The following NXPH2 variants were observed in gnomAD, a reference collection of about 807,000 sequenced individuals.
NXPH2 encodes neurexophilin 2.
In NXPH2, 5 loss-of-function variants were observed where a neutral mutation model predicts 19.8. The ratio of observed to expected loss-of-function variants is 0.25; its 90% CI spans 0.13 to 0.53. NXPH2 has a LOEUF of 0.53. NXPH2 is among the 20% of genes least tolerant of loss of function. The pLI is 0.96. For synonymous variants in NXPH2, 154 were observed against 127.4 expected, an observed-to-expected ratio of 1.21 and a Z score of -1.41; for missense variants, 289 against 322.8, an observed-to-expected ratio of 0.90 and a Z score of 0.80.
At chr2:138,678,928 CAT>C (rs1680527641) in intron 1 of NXPH2, among the ~76,000 whole-genome samples, 1 of 152,080 alleles carries the variant, frequency 6.6e-6, no homozygotes, top group African/African-American at 2.4e-5. Context: ...TGAAAGAAAA[CAT>C]CACTAAGGAT....
chr2:138,692,338 AT>A (rs1280138043), intron 1 of NXPH2, among the ~76,000 whole-genome samples: 1 of 152,206 alleles, frequency 6.6e-6, no homozygotes, highest in Non-Finnish European at 1.5e-5. Context: ...CGAAACATCA[AT>A]GCTTGTTTAT....
At position 138,730,318 on chromosome 2, in the gene NXPH2, C is replaced by A. The variant is rs370807066; in HGVS notation, c.51+49873G>T. On this transcript the variant is annotated intron_variant, in intron 1 of 1. Coordinates refer to ENST00000272641, the MANE Select transcript of NXPH2 (RefSeq NM_007226.3). Reference sequence around the variant, plus strand: ...CAAGTGATCCTCCAGTCACAGCCTCCCCAGTAATTGGGATTACAGGTGTAA... The same window carrying A: ...CAAGTGATCCTCCAGTCACAGCCTCACCAGTAATTGGGATTACAGGTGTAA... Among the ~76,000 whole-genome samples the A allele has an allele frequency of 3.3e-4, 50 of 152,148 alleles. No individual in the cohort carries two copies. In the East Asian group the frequency reaches 6.4e-3, roughly 19 times the overall value.
intron 1 of NXPH2, among the ~76,000 whole-genome samples, chr2:138,686,402 A>G (rs1258504323): frequency 6.6e-6 from 1 of 152,136 alleles, no homozygotes; most frequent in Non-Finnish European, 1.5e-5. Context: ...TTTCATGTTA[A>G]GCTCCACCCA....
chr2:138,722,270 C>T (rs542896649), intron 1 of NXPH2, among the ~76,000 whole-genome samples: 5 of 152,216 alleles, frequency 3.3e-5, no homozygotes, highest in Admixed American at 6.5e-5. Context: ...TATTTAAACA[C>T]ACACTTGCAG....
intron 1 of NXPH2, among the ~76,000 whole-genome samples, chr2:138,717,257 T>C (rs1681208606): frequency 6.6e-6 from 1 of 152,110 alleles, no homozygotes; most frequent in African/African-American, 2.4e-5. Context: ...TGTAGCAACA[T>C]TCCTATGGCT....
intron 1 of NXPH2, among the ~76,000 whole-genome samples, chr2:138,740,207 A>C (rs1573973306): frequency 6.6e-6 from 1 of 152,354 alleles, no homozygotes; most frequent in East Asian, 1.9e-4. Flanking sequence ...AGGCTAGTGT[A>C]GAGTTTAGTA....
intron 1 of NXPH2, among the ~76,000 whole-genome samples, chr2:138,745,454 G>A (rs577328341): frequency 1.4e-5 from 2 of 143,116 alleles, no homozygotes; most frequent in Admixed American, 7.0e-5. Flanking sequence ...TTTCCACTTC[G>A]GTGCAATGCC....
At chr2:138,755,641 T>C (rs925066878) in intron 1 of NXPH2, among the ~76,000 whole-genome samples, 5 of 152,118 alleles carry the variant, frequency 3.3e-5, no homozygotes, top group African/African-American at 9.7e-5. Flanking sequence ...CTCAGTATTA[T>C]GTTGGATATT....
chr2:138,694,171 T>C lies in NXPH2; in HGVS notation c.52-22506A>G, dbSNP rs963310500. 3.9e-5 allele frequency among the ~76,000 whole-genome samples: 6 copies of C among 152,310 alleles called. No homozygotes were observed. In the East Asian group the frequency reaches 9.6e-4, roughly 24 times the overall value. The stretch of plus-strand genomic sequence containing the variant: ...CTTATTTCCATATTCACCTGGTAAA[T>C]ATTTTCCTCTAATGCTTCCTCAGTG... On this transcript the variant is annotated intron_variant, in intron 1 of 1. Coordinates refer to ENST00000272641, the MANE Select transcript of NXPH2 (RefSeq NM_007226.3).
chr2:138,747,767 G>A (rs1197262609), intron 1 of NXPH2, among the ~76,000 whole-genome samples: 1 of 152,158 alleles, frequency 6.6e-6, no homozygotes, highest in Admixed American at 6.5e-5. Context: ...AAGTCCACTA[G>A]CCTGACCACA....
Position 138,670,811 on chromosome 2 carries a change from T to C in NXPH2, c.*111A>G, listed in dbSNP as rs1680401664. 6.0e-6 allele frequency: 7 copies of C among 1,172,598 alleles called. No homozygotes were observed. Among genetic ancestry groups the C allele is most frequent in the Non-Finnish European group, 8.3e-6 (7 of 847,688 alleles). The allele number at this position is 1,172,598 out of a possible 1,614,324, so 72.6% of individuals were successfully genotyped here. On this transcript the variant is annotated 3_prime_UTR_variant, in exon 2 of 2. Transcript: ENST00000272641. ...AATTTGAAAACCTGATAGGGAACTATTGTTCACTGCCAGAAACAAAAGGGA... is the reference window on the plus strand; with the variant it reads ...AATTTGAAAACCTGATAGGGAACTACTGTTCACTGCCAGAAACAAAAGGGA...
At chr2:138,750,599 G>T (rs1205861578) in intron 1 of NXPH2, among the ~76,000 whole-genome samples, 1 of 152,094 alleles carries the variant, frequency 6.6e-6, no homozygotes, top group Non-Finnish European at 1.5e-5. Flanking sequence ...CTACAGCCCA[G>T]GAACTATGCC....
intron 1 of NXPH2, among the ~76,000 whole-genome samples, chr2:138,708,418 TA>T (rs1243062212): frequency 4.6e-5 from 7 of 152,238 alleles, no homozygotes; most frequent in African/African-American, 1.7e-4. Context: ...ATTGATTGCC[TA>T]AATCTAAAAA....
At chr2:138,692,097 A>G (rs1438352078) in intron 1 of NXPH2, among the ~76,000 whole-genome samples, 1 of 152,200 alleles carries the variant, frequency 6.6e-6, no homozygotes, top group Non-Finnish European at 1.5e-5. Context: ...GGTTGTCTGA[A>G]TGTGGAATGA....
In NXPH2 at chr2:138,716,802, C is replaced by A. The variant is rs780302644; in HGVS notation, c.52-45137G>T. ...TTTGAGGTGATGGTTCTAGTTCCCA[C>A]CCTGGAATAAACTTGTTAAGAAAGT... On this transcript the variant is annotated intron_variant, in intron 1 of 1. Transcript: ENST00000272641. 9.7e-4 allele frequency among the ~76,000 whole-genome samples: 148 copies of A among 152,256 alleles called. 2 individuals are homozygous for A. The highest frequency in any genetic ancestry group is 3.4e-3 in the Middle Eastern group (1 of 294).
chr2:138,700,729 TTAA>T, intron 1 of NXPH2, among the ~76,000 whole-genome samples: 1 of 152,064 alleles, frequency 6.6e-6, no homozygotes, highest in Non-Finnish European at 1.5e-5. Context: ...GTTGGACTTC[TTAA>T]TGTCCTCCCT....
intron 1 of NXPH2, among the ~76,000 whole-genome samples, chr2:138,732,628 C>T (rs1681469498): frequency 6.6e-6 from 1 of 152,156 alleles, no homozygotes; most frequent in Non-Finnish European, 1.5e-5. Flanking sequence ...GTCACCTTGG[C>T]TTTACAAGAC....
At chr2:138,691,868 A>T (rs1680751761) in intron 1 of NXPH2, among the ~76,000 whole-genome samples, 1 of 152,226 alleles carries the variant, frequency 6.6e-6, no homozygotes, top group African/African-American at 2.4e-5. Context: ...TTCCAAAAGC[A>T]GAAGTGGAAG....
At chr2:138,723,157 C>T (rs1211652833) in intron 1 of NXPH2, among the ~76,000 whole-genome samples, 5 of 145,548 alleles carry the variant, frequency 3.4e-5, no homozygotes, top group African/African-American at 1.2e-4. Flanking sequence ...GCAACACAAA[C>T]AGACAAGCAA....
Sources: gnomAD v4.1 joint callset for allele counts (sites outside exome capture counted in the v4.1 genomes callset) on GRCh38, gnomAD v4.1.1 for gene constraint, MANE v1.5 for transcripts, NCBI Gene and HGNC (gene_info 2026-07-23, HGNC 2026-07-21) for gene names.